Variants in CRMP1 observed in about 807,000 individuals in gnomAD.
CRMP1 encodes collapsin response mediator protein 1.
A neutral mutation model predicts 68.3 loss-of-function variants in CRMP1; 19 were observed. That is an observed-to-expected ratio of 0.28 (90% CI 0.19 to 0.41). The LOEUF (loss-of-function observed/expected upper bound fraction) is 0.41. Among genes scored for constraint, CRMP1 ranks in the 10% least tolerant of loss-of-function variants. The pLI, the probability that CRMP1 is intolerant of heterozygous loss-of-function variation, is 1.00. For synonymous variants in CRMP1, 439 were observed against 399.6 expected (o/e 1.10, Z -1.18); for missense variants, 791 against 967.4 (o/e 0.82, Z 2.42).
Position 5,855,478 on chromosome 4 carries a change from C to T in CRMP1, c.820+665G>A, listed in dbSNP as rs192727906. On this transcript the variant is annotated intron_variant, in intron 4 of 13. Transcript: ENST00000324989. The surrounding 1 kb of genome is among the most constrained non-coding windows in gnomAD (Gnocchi z 4.9). ...GTCTTCTGATCAGTTCCCCCCAGTT[C>T]GATGTAACACACACCATAAAGGTCT... is the stretch of plus-strand genomic sequence containing the variant. 5.9e-5 allele frequency among the ~76,000 whole-genome samples: 9 copies of T among 152,120 alleles called. No homozygotes were observed. Among genetic ancestry groups the T allele is most frequent in the Admixed American group, 1.3e-4 (2 of 15,268 alleles).
chr4:5,869,969 G>A (rs1714328146), intron 1 of CRMP1, among the ~76,000 whole-genome samples: 1 of 152,190 alleles, frequency 6.6e-6, no homozygotes, highest in African/African-American at 2.4e-5. Context: ...CAGGTCCCAT[G>A]GTCTTATGGC....
intron 13 of CRMP1, among the ~76,000 whole-genome samples, chr4:5,822,763 CCTTT>C (rs1333803425): frequency 6.6e-6 from 1 of 152,172 alleles, no homozygotes; most frequent in African/African-American, 2.4e-5. Flanking sequence ...TGTAAGTCTG[CCTTT>C]CTTCATGGTC....
intron 4 of CRMP1, among the ~76,000 whole-genome samples, chr4:5,851,750 G>A (rs73063623): frequency 0.15 from 21,767 of 150,106 alleles, 1,869 homozygotes; most frequent in African/African-American, 0.24. Context: ...AGGAGGAAGA[G>A]GAGAAGGAGG....
intron 11 of CRMP1, 112 bp downstream of exon 11, chr4:5,835,803 A>G: frequency 2.5e-5 from 30 of 1,220,100 alleles, no homozygotes; most frequent in Non-Finnish European, 3.0e-5. Flanking sequence ...GTCAGGCTAG[A>G]TATCAGATCA....
rs1463860072 is a variant in CRMP1, at chr4:5,879,902, G to C, written c.381+12687C>G. 6.6e-6 allele frequency among the ~76,000 whole-genome samples: 1 copy of C among 151,944 alleles called. No homozygotes were observed. The highest frequency in any genetic ancestry group is 1.5e-5 in the Non-Finnish European group (1 of 67,986). On this transcript the variant is annotated intron_variant, in intron 1 of 13. Transcript: ENST00000324989. This position sits in a 1 kb window ranked among gnomAD's most constrained non-coding sequence, Gnocchi z 4.2. Reference sequence around the variant, plus strand: ...GGAAAGGAAAATGAAAGAAAGTAAAGGAAAACCTAACACCGTATGCGGAAA... The same window carrying C: ...GGAAAGGAAAATGAAAGAAAGTAAACGAAAACCTAACACCGTATGCGGAAA...
At chr4:5,882,471 GTAA>G (rs1256472151) in intron 1 of CRMP1, among the ~76,000 whole-genome samples, 5 of 152,134 alleles carry the variant, frequency 3.3e-5, no homozygotes, top group East Asian at 3.8e-4. Context: ...CCATCCCACG[GTAA>G]TAATAATAAG....
chr4:5,888,630 C>G lies in CRMP1; in HGVS notation c.381+3959G>C. 8 of 902,042 alleles carry G rather than the reference C, an allele frequency of 8.9e-6. No homozygotes were observed. The highest frequency in any genetic ancestry group is 1.1e-5 in the Non-Finnish European group (8 of 749,978). 55.9% of individuals were successfully genotyped at this position (902,042 alleles called of 1,614,324 possible). ...CCCTTCCGATCTCCCACCCCGCCCC[C>G]CGCCCCCCACCCGCCCAGCCCCGCC... On this transcript the variant is annotated intron_variant, in intron 1 of 13. Transcript: ENST00000324989. This position sits in a 1 kb window ranked among gnomAD's most constrained non-coding sequence, Gnocchi z 6.4.
rs189532537 is a variant in CRMP1 at position 5,841,007 on chromosome 4, C to T, written c.1153+301G>A. ...ATTTTGAAGAGAGTACAGAAAACAT[C>T]ATGCAAAATATTAATGATTTTTACA... is the stretch of plus-strand genomic sequence containing the variant. On this transcript the variant is annotated intron_variant, in intron 8 of 13. Coordinates refer to ENST00000324989, the MANE Select transcript of CRMP1 (RefSeq NM_001014809.3). The surrounding 1 kb of genome is among the most constrained non-coding windows in gnomAD (Gnocchi z 6.9). Among the ~76,000 whole-genome samples the T allele has an allele frequency of 6.6e-6, 1 of 152,246 alleles. No individual in the cohort carries two copies. The highest frequency in any genetic ancestry group is 1.9e-4 in the East Asian group (1 of 5,182).
rs1468277512 is a variant in CRMP1 at position 5,866,191 on chromosome 4, G to A, written c.470+477C>T. On this transcript the variant is annotated intron_variant, in intron 2 of 13. Coordinates refer to ENST00000324989, the MANE Select transcript of CRMP1 (RefSeq NM_001014809.3). The surrounding 1 kb of genome is among the most constrained non-coding windows in gnomAD (Gnocchi z 5.9). ...TGTCTATCTTTTCTTTAAGTGCCAA[G>A]GCTGGGCTTGGAAGCCACACATTCC... 6.6e-6 allele frequency among the ~76,000 whole-genome samples: 1 copy of A among 152,190 alleles called. No homozygotes were observed. Among genetic ancestry groups the A allele is most frequent in the Non-Finnish European group, 1.5e-5 (1 of 68,024 alleles).
At chr4:5,887,969 G>T (rs1408749320) in intron 1 of CRMP1, among the ~76,000 whole-genome samples, 1 of 152,122 alleles carries the variant, frequency 6.6e-6, no homozygotes, top group Non-Finnish European at 1.5e-5. Flanking sequence ...CATCCCGTGG[G>T]GGGAGGGGGC....
intron 12 of CRMP1, chr4:5,827,954 A>T: frequency 1.3e-6 from 1 of 793,340 alleles, no homozygotes. Flanking sequence ...GGTCAGTGCT[A>T]AGGTTGTTCA....
At chr4:5,876,146 C>T (rs917162421) in intron 1 of CRMP1, among the ~76,000 whole-genome samples, 1 of 146,138 alleles carries the variant, frequency 6.8e-6, no homozygotes, top group Admixed American at 6.7e-5. Context: ...GAGTGAGACT[C>T]CATCTCAAAA....
At chr4:5,828,083 A>G in intron 12 of CRMP1, 2 of 985,442 alleles carry the variant, frequency 2.0e-6, no homozygotes, top group Non-Finnish European at 2.4e-6. Flanking sequence ...CCACAGGGCC[A>G]GACCCGAGGG....
In CRMP1 at chr4:5,825,401, C is replaced by T. The variant is rs1719390680; in HGVS notation, c.1969+93G>A. Reference sequence around the variant, plus strand: ...CTTCCCTGCTTCTTCATCTAGTGTCCAAGGCCACGTGTCCATTTCCTCAGA... The same window carrying T: ...CTTCCCTGCTTCTTCATCTAGTGTCTAAGGCCACGTGTCCATTTCCTCAGA... On this transcript the variant is annotated intron_variant, in intron 13 of 13. Transcript: ENST00000324989. The surrounding 1 kb of genome is among the most constrained non-coding windows in gnomAD (Gnocchi z 4.4). 3.4e-6 allele frequency: 5 copies of T among 1,487,052 alleles called. No individual in the cohort carries two copies. Among genetic ancestry groups the T allele is most frequent in the Admixed American group, 5.3e-5 (2 of 38,090 alleles). The allele number at this position is 1,487,052 out of a possible 1,614,324, so 92.1% of individuals were successfully genotyped here.
intron 6 of CRMP1, among the ~76,000 whole-genome samples, chr4:5,848,754 C>T (rs777278028): frequency 3.3e-5 from 5 of 152,146 alleles, no homozygotes; most frequent in Non-Finnish European, 7.3e-5. Context: ...TGGTGAGGGC[C>T]TTCTTGCTGC....
In CRMP1 at chr4:5,888,588, C is replaced by T. The variant is rs1308909151; in HGVS notation, c.381+4001G>A. 9.3e-7 allele frequency: 1 copy of T among 1,070,092 alleles called. No individual in the cohort carries two copies. Among genetic ancestry groups the T allele is most frequent in the South Asian group, 4.5e-5 (1 of 22,078 alleles). The allele number at this position is 1,070,092 out of a possible 1,614,324, so 66.3% of individuals were successfully genotyped here. A position where few individuals can be genotyped will look rare whatever the true frequency, so the allele number is the denominator to read the frequency against. ...GAAGCCGGATTCGCCCCTCTCGGCT[C>T]GAACCAGGAAGCGCTTCCCTTCCGA... On this transcript the variant is annotated intron_variant, in intron 1 of 13. Transcript: ENST00000324989. The surrounding 1 kb of genome is among the most constrained non-coding windows in gnomAD (Gnocchi z 6.4).
In CRMP1 at chr4:5,861,545, A is replaced by C. The variant is rs1229732541; in HGVS notation, c.471-335T>G. Among the ~76,000 whole-genome samples, 1 of 152,178 alleles carries C rather than the reference A, an allele frequency of 6.6e-6. No homozygotes were observed. Among genetic ancestry groups the C allele is most frequent in the Non-Finnish European group, 1.5e-5 (1 of 68,026 alleles). Reference sequence around the variant, plus strand: ...AACAGAAGTGAGCCCAGCATGATGCATGTGCTGACCGTCATGTCTATTCTG... The same window carrying C: ...AACAGAAGTGAGCCCAGCATGATGCCTGTGCTGACCGTCATGTCTATTCTG... On this transcript the variant is annotated intron_variant, in intron 2 of 13. Coordinates refer to ENST00000324989, the MANE Select transcript of CRMP1 (RefSeq NM_001014809.3). This position sits in a 1 kb window ranked among gnomAD's most constrained non-coding sequence, Gnocchi z 6.0.
rs747027058 is a variant in CRMP1 at position 5,835,933 on chromosome 4, T to C, written c.1605A>G (p.Thr535=). The change falls in exon 11 of 14, where the codon ACA becomes ACG. Residue 535 remains threonine, a synonymous_variant. Coordinates refer to ENST00000324989, the MANE Select transcript of CRMP1 (RefSeq NM_001014809.3). The stretch of plus-strand genomic sequence containing the variant: ...GACTTACCGACTTGTGACTTTTGGC[T>C]GTTATGGTCTTCAACTTGTCGGGGT... The part of the protein sequence containing the change: ...IWDPDKLKTI[T]AKSHKSAVEY... 13 of 1,558,834 alleles carry C rather than the reference T, an allele frequency of 8.3e-6. No homozygotes were observed. Among genetic ancestry groups the C allele is most frequent in the East Asian group, 7.1e-5 (3 of 42,432 alleles).
In CRMP1 at chr4:5,821,605, A is replaced by T; in HGVS notation, c.*155T>A. ...CAAGCAAACACACCACACTAGTACCACTTCTTCCTAAACAGAAAAGGGAAA... is the reference window on the plus strand; with the variant it reads ...CAAGCAAACACACCACACTAGTACCTCTTCTTCCTAAACAGAAAAGGGAAA... On this transcript the variant is annotated 3_prime_UTR_variant, in exon 14 of 14. Coordinates refer to ENST00000324989, the MANE Select transcript of CRMP1 (RefSeq NM_001014809.3). The surrounding 1 kb of genome is among the most constrained non-coding windows in gnomAD (Gnocchi z 4.4). The T allele has an allele frequency of 1.4e-6, 1 of 718,288 alleles. No homozygotes were observed. Among genetic ancestry groups the T allele is most frequent in the Non-Finnish European group, 2.3e-6 (1 of 434,364 alleles). The allele number at this position is 718,288 out of a possible 1,614,324, so 44.5% of individuals were successfully genotyped here.
Sources: allele counts gnomAD v4.1 joint callset (sites outside exome capture counted in the v4.1 genomes callset), GRCh38; gene constraint gnomAD v4.1.1; non-coding constraint Gnocchi (gnomAD v3.1); transcripts MANE v1.5; gene names NCBI Gene and HGNC (gene_info 2026-07-23, HGNC 2026-07-21).